Variants in EPHA7 observed in about 807,000 individuals in gnomAD.
The protein encoded by EPHA7 is EPH receptor A7, also known as ephrin type-A receptor 7.
EPHA7 carries 25 observed loss-of-function variants against 112.6 expected under a neutral mutation model. The ratio of observed to expected loss-of-function variants is 0.22; its 90% confidence interval spans 0.16 to 0.31. The LOEUF (loss-of-function observed/expected upper bound fraction) is 0.31. Ranked by LOEUF, EPHA7 falls within the 10% of genes least tolerant of loss-of-function variation. EPHA7 has a pLI of 1.00. For synonymous variants in EPHA7, 437 were observed against 406.5 expected, an observed-to-expected ratio of 1.07 and a Z score of -0.90; for missense variants, 962 against 1,212.6, an observed-to-expected ratio of 0.79 and a Z score of 3.07.
intron 3 of EPHA7, among the ~76,000 whole-genome samples, chr6:93,397,959 T>C (rs1027053536): frequency 1.6e-4 from 25 of 151,948 alleles, no homozygotes; most frequent in African/African-American, 5.8e-4. Flanking sequence ...ATGAGTTGTA[T>C]TCACAGGTTC....
intron 3 of EPHA7, among the ~76,000 whole-genome samples, chr6:93,366,745 T>C (rs967104874): frequency 2.0e-5 from 3 of 152,210 alleles, no homozygotes; most frequent in Non-Finnish European, 4.4e-5. Flanking sequence ...CTTGTCTGTG[T>C]TTCCGAAGAT....
intron 1 of EPHA7, among the ~76,000 whole-genome samples, chr6:93,418,082 C>G (rs1480203288): frequency 6.6e-6 from 1 of 151,814 alleles, no homozygotes; most frequent in African/African-American, 2.4e-5. Context: ...CTCTACACAT[C>G]AGGAATAAGT....
chr6:93,374,695 T>G (rs931254507), intron 3 of EPHA7, among the ~76,000 whole-genome samples: 1 of 152,188 alleles, frequency 6.6e-6, no homozygotes, highest in Non-Finnish European at 1.5e-5. Context: ...CCAAACACCT[T>G]GAGTTCAACT....
In EPHA7 at chr6:93,240,491, C is replaced by G. The variant is rs1040303369; in HGVS notation, c.*2935G>C. 2 of 218,712 alleles carry G rather than the reference C, an allele frequency of 9.1e-6. No homozygotes were observed. The highest frequency in any genetic ancestry group is 1.8e-5 in the Non-Finnish European group (2 of 109,122). The allele number at this position is 218,712 out of a possible 1,614,324, so 13.5% of individuals were successfully genotyped here. On this transcript the variant is annotated 3_prime_UTR_variant, in exon 17 of 17. Transcript: ENST00000369303. ...ACAATATGATTCAACTAATAGTGCTCTGACAAGCATAAACCACCAGTTCTA... is the reference window on the plus strand; with the variant it reads ...ACAATATGATTCAACTAATAGTGCTGTGACAAGCATAAACCACCAGTTCTA...
chr6:93,374,446 G>A (rs548943667), intron 3 of EPHA7, among the ~76,000 whole-genome samples: 1 of 152,108 alleles, frequency 6.6e-6, no homozygotes, highest in African/African-American at 2.4e-5. Context: ...ATGTAGAAGT[G>A]TCAAATATAT....
chr6:93,375,120 T>TA (rs1342065488), intron 3 of EPHA7, among the ~76,000 whole-genome samples: 2 of 152,106 alleles, frequency 1.3e-5, no homozygotes, highest in African/African-American at 2.4e-5. Context: ...ATAATATCAT[T>TA]AAAAAATATT....
At chr6:93,247,256 A>C (rs1339295192) in intron 14 of EPHA7, among the ~76,000 whole-genome samples, 3 of 152,174 alleles carry the variant, frequency 2.0e-5, no homozygotes, top group African/African-American at 7.2e-5. Flanking sequence ...TAGTTTTAAC[A>C]TCATCCCAGA....
At chr6:93,314,600 T>C (rs913954906) in intron 5 of EPHA7, among the ~76,000 whole-genome samples, 1 of 151,988 alleles carries the variant, frequency 6.6e-6, no homozygotes, top group South Asian at 2.1e-4. Context: ...TGACCAAACA[T>C]GAAAGCCATA....
intron 5 of EPHA7, among the ~76,000 whole-genome samples, chr6:93,331,782 T>G (rs1458075451): frequency 4.0e-5 from 6 of 151,580 alleles, no homozygotes; most frequent in Admixed American, 1.3e-4. Flanking sequence ...ATTAATTATT[T>G]CTTCAAAGAT....
intron 5 of EPHA7, among the ~76,000 whole-genome samples, chr6:93,347,677 C>T (rs1184937391): frequency 6.6e-6 from 1 of 151,838 alleles, no homozygotes; most frequent in Non-Finnish European, 1.5e-5. Context: ...AGTCCCAAGT[C>T]AAGGTCCAAC....
intron 5 of EPHA7, among the ~76,000 whole-genome samples, chr6:93,354,855 C>T (rs577705042): frequency 1.3e-5 from 2 of 152,140 alleles, no homozygotes; most frequent in South Asian, 2.1e-4. Context: ...TTGACAAACA[C>T]TATTTCTGGT....
chr6:93,371,653 T>C (rs928445594), intron 3 of EPHA7, among the ~76,000 whole-genome samples: 1 of 152,172 alleles, frequency 6.6e-6, no homozygotes, highest in African/African-American at 2.4e-5. Flanking sequence ...TGTATACATT[T>C]CCAAATAAAA....
intron 5 of EPHA7, among the ~76,000 whole-genome samples, chr6:93,283,094 C>A (rs887191441): frequency 1.3e-5 from 2 of 152,196 alleles, no homozygotes; most frequent in African/African-American, 2.4e-5. Flanking sequence ...ACTTGGAGAA[C>A]CTTTATGTCT....
At chr6:93,351,352 T>C (rs1170358517) in intron 5 of EPHA7, among the ~76,000 whole-genome samples, 1 of 151,980 alleles carries the variant, frequency 6.6e-6, no homozygotes, top group Non-Finnish European at 1.5e-5. Context: ...TCTGATGGTG[T>C]TGATCCCAAA....
intron 7 of EPHA7, among the ~76,000 whole-genome samples, chr6:93,267,074 C>T (rs1770976763): frequency 6.6e-6 from 1 of 151,760 alleles, no homozygotes; most frequent in Admixed American, 6.6e-5. Context: ...AATACTATGA[C>T]TCTGATGGCT....
At chr6:93,297,267 C>A (rs1482365822) in intron 5 of EPHA7, among the ~76,000 whole-genome samples, 2 of 151,992 alleles carry the variant, frequency 1.3e-5, no homozygotes, top group African/African-American at 4.8e-5. Flanking sequence ...AAGTAACTTT[C>A]CCAAGATCAC....
At chr6:93,348,468 A>C (rs1775520032) in intron 5 of EPHA7, among the ~76,000 whole-genome samples, 1 of 151,918 alleles carries the variant, frequency 6.6e-6, no homozygotes, top group Non-Finnish European at 1.5e-5. Context: ...TAAATTAATT[A>C]TATTTTCAAC....
chr6:93,328,611 C>A (rs562597643), intron 5 of EPHA7, among the ~76,000 whole-genome samples: 2 of 151,488 alleles, frequency 1.3e-5, no homozygotes, highest in Non-Finnish European at 3.0e-5. Flanking sequence ...GTCTTTCTTA[C>A]CTGACTTTAT....
chr6:93,371,511 G>T (rs1471257958), intron 3 of EPHA7, among the ~76,000 whole-genome samples: 1 of 152,194 alleles, frequency 6.6e-6, no homozygotes, highest in Non-Finnish European at 1.5e-5. Flanking sequence ...TTGATACTGA[G>T]AGGCAACTGT....
Sources: gnomAD v4.1 joint callset for allele counts (sites outside exome capture counted in the v4.1 genomes callset) on GRCh38, gnomAD v4.1.1 for gene constraint, MANE v1.5 for transcripts, NCBI Gene and HGNC (gene_info 2026-07-23, HGNC 2026-07-21) for gene names.